CCDC60: variants seen among roughly 807,000 people sequenced by gnomAD.
The protein encoded by CCDC60 is coiled-coil domain containing 60, also known as coiled-coil domain-containing protein 60.
Under a neutral mutation model 63.5 loss-of-function variants are expected in CCDC60, and 54 were observed. The observed-to-expected ratio is 0.85, with a 90% CI of 0.68 to 1.07. The LOEUF is 1.07. Ranked by LOEUF, CCDC60 falls within the 50% of genes least tolerant of loss-of-function variation. CCDC60 has a pLI of 0.00. For missense variants in CCDC60, 651 were observed against 684.3 expected (o/e 0.95, Z 0.54); for synonymous variants, 206 against 238.8 (o/e 0.86, Z 1.27).
At chr12:119,360,470 G>A (rs1169911463) in intron 1 of CCDC60, among the ~76,000 whole-genome samples, 1 of 151,268 alleles carries the variant, frequency 6.6e-6, no homozygotes, top group Non-Finnish European at 1.5e-5. Flanking sequence ...TGGCTGCCGG[G>A]CGGAGAGGCT....
chr12:119,486,920 G>A (rs1048874531), intron 4 of CCDC60, among the ~76,000 whole-genome samples: 2 of 152,112 alleles, frequency 1.3e-5, no homozygotes, highest in African/African-American at 2.4e-5. Context: ...GTTGATGAGG[G>A]CAGGATGCAG....
In CCDC60 at chr12:119,410,465, A is replaced by C. The variant is rs1956575896; in HGVS notation, c.91-18218A>C. On this transcript the variant is annotated intron_variant, in intron 1 of 13. Coordinates refer to ENST00000327554, the MANE Select transcript of CCDC60 (RefSeq NM_178499.5). The surrounding 1 kb of genome is among the most constrained non-coding windows in gnomAD (Gnocchi z 4.0). ...GTCCTTCACTGGGCCCTCACCCCTA[A>C]GCTGATTTTGCCGAAATGGCTTCTC... Among the ~76,000 whole-genome samples, 1 of 152,108 alleles carries C rather than the reference A, an allele frequency of 6.6e-6. No individual in the cohort carries two copies. Among genetic ancestry groups the C allele is most frequent in the Non-Finnish European group, 1.5e-5 (1 of 68,014 alleles).
intron 1 of CCDC60, among the ~76,000 whole-genome samples, chr12:119,353,974 C>T (rs1565967596): frequency 2.6e-5 from 4 of 151,976 alleles, no homozygotes. Flanking sequence ...CTCTCTCTGT[C>T]CCTGCTCTCT....
chr12:119,446,735 A>C (rs1026865858), intron 2 of CCDC60, among the ~76,000 whole-genome samples: 2 of 151,488 alleles, frequency 1.3e-5, no homozygotes, highest in Admixed American at 6.6e-5. Flanking sequence ...GTTTGGGTTC[A>C]TTTACCTTTT....
chr12:119,408,594 T>C (rs1016760112), intron 1 of CCDC60, among the ~76,000 whole-genome samples: 5 of 152,012 alleles, frequency 3.3e-5, no homozygotes, highest in African/African-American at 1.2e-4. Flanking sequence ...GAGGCCGAGG[T>C]GGGTGGATCA....
At chr12:119,469,173 C>T (rs1951009211) in intron 2 of CCDC60, among the ~76,000 whole-genome samples, 1 of 152,142 alleles carries the variant, frequency 6.6e-6, no homozygotes, top group African/African-American at 2.4e-5. Flanking sequence ...TAAGAGGATG[C>T]TCCTCTGTTG....
At chr12:119,370,700 C>T (rs1307254175) in intron 1 of CCDC60, among the ~76,000 whole-genome samples, 1 of 152,210 alleles carries the variant, frequency 6.6e-6, no homozygotes, top group Admixed American at 6.5e-5. Flanking sequence ...CTGGTGGGGG[C>T]ATTCATCAAA....
intron 5 of CCDC60, 132 bp from the exon 6 acceptor site, chr12:119,499,946 T>C (rs1593177455): frequency 4.1e-6 from 3 of 731,544 alleles, no homozygotes; most frequent in Non-Finnish European, 7.3e-6. Flanking sequence ...TCTTCACAAG[T>C]AGAGGAGTGG....
chr12:119,406,310 C>A (rs1166243767), intron 1 of CCDC60, among the ~76,000 whole-genome samples: 5 of 151,920 alleles, frequency 3.3e-5, no homozygotes, highest in Non-Finnish European at 7.4e-5. Flanking sequence ...GCTCCCCTTG[C>A]GTCTTTATTA....
intron 1 of CCDC60, among the ~76,000 whole-genome samples, chr12:119,346,832 C>CTTTCTTTCTTTCTTT (rs1555230529): frequency 1.1e-5 from 1 of 91,064 alleles, no homozygotes; most frequent in Non-Finnish European, 2.4e-5. Flanking sequence ...TTCTTTCTTT[C>CTTTCTTTCTTTCTTT]TTTTTTTTTT....
chr12:119,354,099 C>G (rs1955692205), intron 1 of CCDC60, among the ~76,000 whole-genome samples: 1 of 151,560 alleles, frequency 6.6e-6, no homozygotes, highest in Non-Finnish European at 1.5e-5. Flanking sequence ...TACCTCTTTC[C>G]TTTCTTCTCC....
intron 1 of CCDC60, among the ~76,000 whole-genome samples, chr12:119,364,553 A>G (rs1056793413): frequency 1.3e-5 from 2 of 152,180 alleles, no homozygotes; most frequent in Non-Finnish European, 2.9e-5. Flanking sequence ...TGGACATATC[A>G]GTGGCCTGCT....
chr12:119,343,558 C>T (rs1227940869), intron 1 of CCDC60, among the ~76,000 whole-genome samples: 2 of 151,862 alleles, frequency 1.3e-5, no homozygotes, highest in African/African-American at 2.4e-5. Flanking sequence ...ATGCAGCAGA[C>T]TTGTGGTCTT....
chr12:119,526,959 G>T (rs2136515566), intron 11 of CCDC60, among the ~76,000 whole-genome samples: 1 of 152,266 alleles, frequency 6.6e-6, no homozygotes, highest in Middle Eastern at 3.4e-3. Flanking sequence ...AAAGACACAT[G>T]CATGTGAATG....
chr12:119,485,248 C>T (rs2136364087), intron 4 of CCDC60, among the ~76,000 whole-genome samples: 1 of 152,338 alleles, frequency 6.6e-6, no homozygotes, highest in South Asian at 2.1e-4. Context: ...CAGTAGATGG[C>T]AAAGCTAGAA....
At chr12:119,529,603 C>T (rs949196849) in intron 12 of CCDC60, among the ~76,000 whole-genome samples, 6 of 152,110 alleles carry the variant, frequency 3.9e-5, no homozygotes, top group African/African-American at 1.4e-4. Context: ...ACAAGCAGGT[C>T]CCTGGAGTCT....
chr12:119,531,353 G>C (rs191572742), intron 13 of CCDC60, among the ~76,000 whole-genome samples: 2 of 152,262 alleles, frequency 1.3e-5, no homozygotes, highest in African/African-American at 4.8e-5. Context: ...GTACTCCATG[G>C]ACCAGCAGCA....
intron 5 of CCDC60, among the ~76,000 whole-genome samples, chr12:119,498,797 CCAAT>C (rs1482043720): frequency 2.6e-5 from 4 of 152,192 alleles, no homozygotes; most frequent in African/African-American, 9.6e-5. Flanking sequence ...GATTGATAGA[CCAAT>C]CAGTCGATCA....
chr12:119,362,830 G>A (rs1311961488), intron 1 of CCDC60, among the ~76,000 whole-genome samples: 4 of 152,212 alleles, frequency 2.6e-5, no homozygotes, highest in Admixed American at 2.0e-4. Context: ...CCCACAAGGT[G>A]GCTCAGGCCT....
Sources: allele counts gnomAD v4.1 joint callset (sites outside exome capture counted in the v4.1 genomes callset), GRCh38; gene constraint gnomAD v4.1.1; non-coding constraint Gnocchi (gnomAD v3.1); transcripts MANE v1.5; gene names NCBI Gene and HGNC (gene_info 2026-07-23, HGNC 2026-07-21).